The following PCBD2 variants were observed in gnomAD, a reference collection of about 807,000 sequenced individuals.
PCBD2 encodes pterin-4 alpha-carbinolamine dehydratase 2, also known as pterin-4-alpha-carbinolamine dehydratase 2.
In PCBD2, 12 loss-of-function variants were observed where a neutral mutation model predicts 16.4. The ratio of observed to expected loss-of-function variants is 0.73; its 90% CI spans 0.47 to 1.19. The LOEUF (loss-of-function observed/expected upper bound fraction) is 1.19, where lower values mean the gene tolerates loss of function less well. Among genes scored for constraint, PCBD2 ranks in the 50% most tolerant of loss-of-function variants. The pLI, the probability that PCBD2 is intolerant of heterozygous loss-of-function variation, is 0.00. For missense variants in PCBD2, 138 were observed against 156.8 expected (o/e 0.88, Z 0.64); for synonymous variants, 58 against 61.8 (o/e 0.94, Z 0.29).
intron 2 of PCBD2, among the ~76,000 whole-genome samples, chr5:134,913,431 A>G (rs947800848): frequency 3.3e-5 from 5 of 152,218 alleles, no homozygotes; most frequent in Admixed American, 1.3e-4. Flanking sequence ...CAGCAAGCAC[A>G]GAGTTTCCAA....
At chr5:134,946,253 G>T (rs1021179203) in intron 2 of PCBD2, among the ~76,000 whole-genome samples, 2 of 151,980 alleles carry the variant, frequency 1.3e-5, no homozygotes, top group South Asian at 2.1e-4. Flanking sequence ...CCTTCAGCTC[G>T]ATGTCTGAAG....
At chr5:134,954,664 ATTTCT>A (rs1288659818) in intron 2 of PCBD2, among the ~76,000 whole-genome samples, 1 of 151,778 alleles carries the variant, frequency 6.6e-6, no homozygotes, top group Non-Finnish European at 1.5e-5. Flanking sequence ...TTCAACTTTC[ATTTCT>A]TAAAGTTTTT....
At chr5:134,919,391 C>T (rs1438761719) in intron 2 of PCBD2, among the ~76,000 whole-genome samples, 1 of 152,004 alleles carries the variant, frequency 6.6e-6, no homozygotes, top group African/African-American at 2.4e-5. Context: ...TAAATCTGTG[C>T]CAGGTTTAGA....
chr5:134,906,406 G>C (rs1421304067), intron 1 of PCBD2, among the ~76,000 whole-genome samples: 3 of 151,656 alleles, frequency 2.0e-5, no homozygotes, highest in African/African-American at 7.3e-5. Context: ...GGGTTTCACC[G>C]TGTTAGCCAG....
intron 2 of PCBD2, among the ~76,000 whole-genome samples, chr5:134,947,377 C>T (rs192460823): frequency 1.4e-5 from 2 of 147,484 alleles, no homozygotes; most frequent in Admixed American, 6.9e-5. Context: ...ACAGCCATCG[C>T]GCCCGGCCTC....
At chr5:134,919,152 T>C (rs1047682947) in intron 2 of PCBD2, among the ~76,000 whole-genome samples, 2 of 152,226 alleles carry the variant, frequency 1.3e-5, no homozygotes, top group African/African-American at 4.8e-5. Flanking sequence ...GAGTATTTTG[T>C]TAAAGTCAAG....
intron 2 of PCBD2, among the ~76,000 whole-genome samples, chr5:134,951,295 T>A (rs184153411): frequency 5.9e-5 from 9 of 152,304 alleles, no homozygotes; most frequent in East Asian, 1.9e-4. Flanking sequence ...ATGCATATAT[T>A]TTTTTTCATT....
rs115965813 is a variant in PCBD2, at chr5:134,928,788, T to A, written c.216+18322T>A. Among the ~76,000 whole-genome samples the A allele has an allele frequency of 3.9e-3, 592 of 152,160 alleles. 3 individuals carry two copies. The highest frequency in any genetic ancestry group is 0.014 in the African/African-American group (575 of 41,510). On this transcript the variant is annotated intron_variant, in intron 2 of 3. Coordinates refer to ENST00000254908, the MANE Select transcript of PCBD2 (RefSeq NM_032151.5). The stretch of plus-strand genomic sequence containing the variant: ...AGGCAGAGCTTGCAGTAAGCCAAGA[T>A]CGTGCCACTCCAGCCTAGGCAACAT...
chr5:134,933,596 A>G (rs1751123736), intron 2 of PCBD2, among the ~76,000 whole-genome samples: 1 of 152,226 alleles, frequency 6.6e-6, no homozygotes, highest in African/African-American at 2.4e-5. Flanking sequence ...AAAAAGCCAT[A>G]TTTAATTTAG....
intron 2 of PCBD2, among the ~76,000 whole-genome samples, chr5:134,946,748 A>AT (rs1751300133): frequency 6.6e-6 from 1 of 152,150 alleles, no homozygotes; most frequent in Non-Finnish European, 1.5e-5. Flanking sequence ...TCCTTAAAAT[A>AT]TTTTTTGAGT....
Position 134,962,139 on chromosome 5 carries a change from A to C in PCBD2, c.*1458A>C, listed in dbSNP as rs1283272974. ...CGGGGTCTCATTCTGTTGCCCAGGC[A>C]GTAGTGTAGTGGTGCGACCATGGCT... On this transcript the variant is annotated 3_prime_UTR_variant, in exon 4 of 4. Transcript: ENST00000254908. Among the ~76,000 whole-genome samples the C allele has an allele frequency of 1.3e-5, 2 of 150,480 alleles. No homozygotes were observed. The highest frequency in any genetic ancestry group is 4.9e-5 in the African/African-American group (2 of 40,542).
intron 2 of PCBD2, among the ~76,000 whole-genome samples, chr5:134,941,945 C>T (rs369957714): frequency 6.7e-6 from 1 of 150,364 alleles, no homozygotes; most frequent in African/African-American, 2.4e-5. Context: ...GGTGAAAGCC[C>T]GTCTCTACTA....
chr5:134,942,304 C>T (rs894299251), intron 2 of PCBD2, among the ~76,000 whole-genome samples: 3 of 152,078 alleles, frequency 2.0e-5, no homozygotes, highest in African/African-American at 4.8e-5. Flanking sequence ...GCATCCCAGC[C>T]TCACTTTTTA....
At chr5:134,942,299 C>A (rs1751239602) in intron 2 of PCBD2, among the ~76,000 whole-genome samples, 1 of 151,972 alleles carries the variant, frequency 6.6e-6, no homozygotes, top group African/African-American at 2.4e-5. Context: ...AATTTGCATC[C>A]CAGCCTCACT....
Position 134,910,343 on chromosome 5 carries a change from T to A in PCBD2, c.93T>A (p.Gly31=). ...QSLGLAAMSS[G]THRLTAEERN... ...ATGTGTTCTCTTCATAGTCATCAGG[T>A]ACTCACAGGTTGACTGCAGAGGAGA... The change falls in exon 2 of 4, where the codon GGT becomes GGA. Residue 31 remains glycine (G), a synonymous_variant. Transcript: ENST00000254908. The A allele has an allele frequency of 6.2e-7, 1 of 1,613,896 alleles. No individual in the cohort carries two copies. The highest frequency in any genetic ancestry group is 8.5e-7 in the Non-Finnish European group (1 of 1,179,880).
At chr5:134,946,088 TAAATA>T (rs1309185594) in intron 2 of PCBD2, among the ~76,000 whole-genome samples, 1 of 151,052 alleles carries the variant, frequency 6.6e-6, no homozygotes, top group East Asian at 1.9e-4. Context: ...TAAATATACT[TAAATA>T]AGATTGTTTA....
At chr5:134,938,182 G>C (rs1263496408) in intron 2 of PCBD2, among the ~76,000 whole-genome samples, 1 of 152,206 alleles carries the variant, frequency 6.6e-6, no homozygotes, top group Non-Finnish European at 1.5e-5. Flanking sequence ...GGTCTGCAGT[G>C]CCTGTAGCTG....
chr5:134,923,992 C>T (rs985803063), intron 2 of PCBD2: 21 of 394,030 alleles, frequency 5.3e-5, no homozygotes, highest in South Asian at 1.3e-4. Flanking sequence ...GTGGGGAGGT[C>T]GATAAATGAG....
intron 2 of PCBD2, among the ~76,000 whole-genome samples, chr5:134,912,682 G>A (rs967975631): frequency 6.6e-6 from 1 of 152,320 alleles, no homozygotes; most frequent in East Asian, 1.9e-4. Context: ...TGTTTTGTCT[G>A]TGTTCAGGTA....
Sources: gnomAD v4.1 joint callset for allele counts (sites outside exome capture counted in the v4.1 genomes callset) on GRCh38, gnomAD v4.1.1 for gene constraint, MANE v1.5 for transcripts, NCBI Gene and HGNC (gene_info 2026-07-23, HGNC 2026-07-21) for gene names.